The following XRCC6 variants were observed in gnomAD, a reference collection of about 807,000 sequenced individuals.
The protein encoded by XRCC6 is DNA repair protein Ku70.
Under a neutral mutation model 65.7 loss-of-function variants are expected in XRCC6, and 5 were observed. The observed-to-expected ratio is 0.08, with a 90% CI of 0.04 to 0.16. The LOEUF is 0.16. Among genes scored for constraint, XRCC6 ranks in the 10% least tolerant of loss-of-function variants. XRCC6 has a pLI of 1.00. For synonymous variants in XRCC6, 270 were observed against 270.6 expected (o/e 1.00, Z 0.02); for missense variants, 447 against 738.1 (o/e 0.61, Z 4.57).
chr22:41,653,415 T>TA (rs986115718), intron 8 of XRCC6, 114 bp from the exon 9 acceptor site: 1 of 1,008,738 alleles, frequency 9.9e-7, no homozygotes, highest in African/African-American at 1.6e-5. Context: ...AATAAATAAA[T>TA]AATAAAATTA....
chr22:41,645,968 A>C (rs1039231472), intron 6 of XRCC6, among the ~76,000 whole-genome samples: 1 of 151,766 alleles, frequency 6.6e-6, no homozygotes, highest in African/African-American at 2.4e-5. Flanking sequence ...ACCCGGCATG[A>C]TGGGTCTTTA....
chr22:41,633,080 T>G (rs967451636), intron 3 of XRCC6, among the ~76,000 whole-genome samples: 3 of 151,798 alleles, frequency 2.0e-5, no homozygotes, highest in African/African-American at 7.3e-5. Flanking sequence ...TGAGCCGAGA[T>G]GGCACTATTG....
At chr22:41,628,483 A>G (rs2067703593) in intron 3 of XRCC6, among the ~76,000 whole-genome samples, 1 of 152,144 alleles carries the variant, frequency 6.6e-6, no homozygotes, top group Admixed American at 6.6e-5. Flanking sequence ...GCTTGAGCCC[A>G]GGAGGTCAAA....
At chr22:41,647,955 C>T (rs1056650060) in intron 7 of XRCC6, 1 of 149,748 alleles carries the variant, frequency 6.7e-6, no homozygotes, top group African/African-American at 2.4e-5. Flanking sequence ...AGTTAAATAA[C>T]TTTCATATGT....
chr22:41,654,533 A>G (rs1021406144), intron 9 of XRCC6, among the ~76,000 whole-genome samples: 3 of 152,198 alleles, frequency 2.0e-5, no homozygotes, highest in African/African-American at 7.2e-5. Context: ...CTGTTTGCTC[A>G]GTGTGGTCAG....
chr22:41,634,103 G>A (rs1304434289), intron 3 of XRCC6, among the ~76,000 whole-genome samples: 2 of 152,118 alleles, frequency 1.3e-5, no homozygotes, highest in Admixed American at 6.5e-5. Context: ...AGCTGTGGAC[G>A]AAGGCCAGCT....
intron 7 of XRCC6, among the ~76,000 whole-genome samples, chr22:41,649,139 A>AAAAATATATATATATATAT: frequency 2.3e-5 from 2 of 88,736 alleles, no homozygotes; most frequent in Admixed American, 1.7e-4. Context: ...AAAAAAAAAA[A>AAAAATATATATATATATAT]ATATATATAT....
intron 8 of XRCC6, 114 bp from the exon 9 acceptor site, chr22:41,653,415 T>C: frequency 9.9e-7 from 1 of 1,008,856 alleles, no homozygotes; most frequent in Non-Finnish European, 1.4e-6. Context: ...AATAAATAAA[T>C]AATAAAATTA....
chr22:41,643,140 G>T (rs896591096), intron 6 of XRCC6, among the ~76,000 whole-genome samples: 1 of 152,194 alleles, frequency 6.6e-6, no homozygotes. Context: ...GGCCGGGTGC[G>T]GTGGCTCACG....
chr22:41,652,398 C>G (rs773414116), intron 8 of XRCC6, among the ~76,000 whole-genome samples: 1 of 150,024 alleles, frequency 6.7e-6, no homozygotes, highest in African/African-American at 2.5e-5. Flanking sequence ...CAGTGTCTCA[C>G]TCTGTCACCC....
intron 6 of XRCC6, among the ~76,000 whole-genome samples, chr22:41,644,842 G>C (rs1041706624): frequency 6.6e-6 from 1 of 152,080 alleles, no homozygotes; most frequent in South Asian, 2.1e-4. Flanking sequence ...TGGTATAAGT[G>C]CTCTGGAGTA....
At chr22:41,627,494 C>T (rs890265026) in intron 2 of XRCC6, among the ~76,000 whole-genome samples, 1 of 151,542 alleles carries the variant, frequency 6.6e-6, no homozygotes, top group African/African-American at 2.4e-5. Flanking sequence ...GTCTATAATC[C>T]CAGCTAGTTG....
chr22:41,622,326 A>C (rs972299378), intron 2 of XRCC6, among the ~76,000 whole-genome samples: 1 of 152,062 alleles, frequency 6.6e-6, no homozygotes, highest in African/African-American at 2.4e-5. Flanking sequence ...GTCCCTGATA[A>C]ATGGCCATGA....
intron 3 of XRCC6, 55 bp downstream of exon 3, chr22:41,628,285 G>A: frequency 6.8e-7 from 1 of 1,468,464 alleles, no homozygotes; most frequent in Non-Finnish European, 9.4e-7. Context: ...GCTGGGCATG[G>A]TGGCGGCTCA....
chr22:41,649,139 A>AAAAATATATATAT, intron 7 of XRCC6, among the ~76,000 whole-genome samples: 1 of 88,734 alleles, frequency 1.1e-5, no homozygotes, highest in Non-Finnish European at 2.1e-5. Flanking sequence ...AAAAAAAAAA[A>AAAAATATATATAT]ATATATATAT....
chr22:41,659,932 C>G (rs894683801), intron 11 of XRCC6, among the ~76,000 whole-genome samples: 1 of 151,450 alleles, frequency 6.6e-6, no homozygotes, highest in Non-Finnish European at 1.5e-5. Flanking sequence ...GTGATCCACC[C>G]GCCTCGGCCT....
At chr22:41,638,089 C>T (rs2067829154) in intron 6 of XRCC6, among the ~76,000 whole-genome samples, 1 of 152,056 alleles carries the variant, frequency 6.6e-6, no homozygotes, top group Admixed American at 6.6e-5. Flanking sequence ...CTGTCTTCCT[C>T]TAAAATAGTT....
chr22:41,656,432 G>A (rs1012744761), intron 9 of XRCC6, among the ~76,000 whole-genome samples: 4 of 151,540 alleles, frequency 2.6e-5, no homozygotes, highest in African/African-American at 9.7e-5. Flanking sequence ...CAGGAGAACC[G>A]CTTGAACCTG....
chr22:41,639,336 T>TTTTTC (rs2067848361), intron 6 of XRCC6, among the ~76,000 whole-genome samples: 1 of 105,088 alleles, frequency 9.5e-6, no homozygotes, highest in South Asian at 3.5e-4. Flanking sequence ...TTTCTTTTTT[T>TTTTTC]TTTTTTTTTT....
Sources: gnomAD v4.1 joint callset for allele counts (sites outside exome capture counted in the v4.1 genomes callset) on GRCh38, gnomAD v4.1.1 for gene constraint, MANE v1.5 for transcripts, NCBI Gene and HGNC (gene_info 2026-07-23, HGNC 2026-07-21) for gene names.